Variants in CSMD1 observed in about 807,000 individuals in gnomAD.
The protein encoded by CSMD1 is CUB and Sushi multiple domains 1.
A neutral mutation model predicts 417.5 loss-of-function variants in CSMD1; 213 were observed. The ratio of observed to expected loss-of-function variants is 0.51; its 90% CI spans 0.46 to 0.57. The LOEUF is 0.57. Ranked by LOEUF, CSMD1 falls within the 20% of genes least tolerant of loss-of-function variation. The pLI is 0.00. For synonymous variants in CSMD1, 2,862 were observed against 1,736.8 expected (o/e 1.65, Z -16.11); for missense variants, 6,923 against 4,529.7 (o/e 1.53, Z -15.17).
intron 7 of CSMD1, among the ~76,000 whole-genome samples, chr8:3,646,924 A>C (rs1797604451): frequency 6.6e-6 from 1 of 152,174 alleles, no homozygotes; most frequent in Non-Finnish European, 1.5e-5. Context: ...CAGATACAAA[A>C]AAAATTTAAA....
At chr8:4,814,943 CTGTT>C (rs1799123455) in intron 1 of CSMD1, among the ~76,000 whole-genome samples, 1 of 152,226 alleles carries the variant, frequency 6.6e-6, no homozygotes, top group East Asian at 1.9e-4. Flanking sequence ...TGCATTATGA[CTGTT>C]TATTATAGAG....
At chr8:3,962,829 A>G (rs1260837686) in intron 5 of CSMD1, among the ~76,000 whole-genome samples, 1 of 152,180 alleles carries the variant, frequency 6.6e-6, no homozygotes, top group Non-Finnish European at 1.5e-5. Context: ...TTCACATTTT[A>G]CATGTTGTGA....
At chr8:3,349,253 T>A (rs1808229976) in intron 21 of CSMD1, among the ~76,000 whole-genome samples, 1 of 152,196 alleles carries the variant, frequency 6.6e-6, no homozygotes, top group African/African-American at 2.4e-5. Flanking sequence ...GACTTCTGCA[T>A]GCCCACTGCC....
intron 1 of CSMD1, among the ~76,000 whole-genome samples, chr8:4,793,320 G>A (rs570150313): frequency 2.0e-5 from 3 of 152,238 alleles, no homozygotes; most frequent in Admixed American, 6.5e-5. Context: ...TAACACAGAA[G>A]AGGCATTTTT....
At chr8:3,177,722 C>G (rs1303263416) in intron 37 of CSMD1, among the ~76,000 whole-genome samples, 2 of 152,138 alleles carry the variant, frequency 1.3e-5, no homozygotes, top group Non-Finnish European at 2.9e-5. Flanking sequence ...TGTTGTTCCT[C>G]CCACCAGCTT....
At chr8:4,274,359 T>G (rs1269240538) in intron 3 of CSMD1, among the ~76,000 whole-genome samples, 2 of 152,170 alleles carry the variant, frequency 1.3e-5, no homozygotes, top group Non-Finnish European at 2.9e-5. Context: ...TTCACTTTTC[T>G]AAACTATGAG....
chr8:3,991,178 C>G (rs1368531151), intron 5 of CSMD1, among the ~76,000 whole-genome samples: 1 of 152,170 alleles, frequency 6.6e-6, no homozygotes, highest in Non-Finnish European at 1.5e-5. Context: ...CTAATCCACC[C>G]AGGTGAAAAC....
intron 33 of CSMD1, among the ~76,000 whole-genome samples, chr8:3,190,631 GT>G (rs1372093771): frequency 1.3e-5 from 2 of 152,084 alleles, no homozygotes; most frequent in African/African-American, 4.8e-5. Flanking sequence ...AATCCCACTC[GT>G]GTATACTTAT....
chr8:2,989,457 A>G (rs1030640159), intron 54 of CSMD1, among the ~76,000 whole-genome samples: 5 of 152,234 alleles, frequency 3.3e-5, no homozygotes, highest in Non-Finnish European at 5.9e-5. Flanking sequence ...ATGGTCCATT[A>G]ACCTCCTCCT....
intron 10 of CSMD1, among the ~76,000 whole-genome samples, chr8:3,548,151 T>A (rs897647073): frequency 6.6e-5 from 10 of 152,166 alleles, no homozygotes; most frequent in African/African-American, 2.4e-4. Flanking sequence ...TATCGGTACA[T>A]GTAACAATGT....
intron 5 of CSMD1, among the ~76,000 whole-genome samples, chr8:3,756,308 G>A (rs7822315): frequency 3.3e-5 from 5 of 150,044 alleles, no homozygotes; most frequent in South Asian, 2.1e-4. Flanking sequence ...AGCTGAGATC[G>A]CGCCACTGCA....
chr8:3,861,457 T>C (rs553519152), intron 5 of CSMD1, among the ~76,000 whole-genome samples: 17 of 152,280 alleles, frequency 1.1e-4, no homozygotes, highest in East Asian at 5.8e-4. Flanking sequence ...GAACAACCTA[T>C]AGCATTTGAG....
At chr8:4,167,102 C>G (rs1444418734) in intron 3 of CSMD1, among the ~76,000 whole-genome samples, 1 of 152,150 alleles carries the variant, frequency 6.6e-6, no homozygotes, top group African/African-American at 2.4e-5. Context: ...ATGTAAAACC[C>G]TCAACTTCCC....
intron 32 of CSMD1, among the ~76,000 whole-genome samples, chr8:3,200,174 A>T (rs1276047314): frequency 6.6e-6 from 1 of 152,136 alleles, no homozygotes; most frequent in Non-Finnish European, 1.5e-5. Context: ...TACTTAAAAA[A>T]TTTTTAAAAG....
chr8:4,403,392 A>G (rs991394974), intron 3 of CSMD1, among the ~76,000 whole-genome samples: 3 of 152,066 alleles, frequency 2.0e-5, no homozygotes, highest in Non-Finnish European at 4.4e-5. Context: ...TCTCTCATCT[A>G]ATTCTCTTTT....
chr8:3,123,715 A>C (rs1817337949), intron 41 of CSMD1, among the ~76,000 whole-genome samples: 1 of 152,256 alleles, frequency 6.6e-6, no homozygotes. Context: ...TCCACGAATT[A>C]GCAGTGCCTT....
intron 7 of CSMD1, among the ~76,000 whole-genome samples, chr8:3,637,112 C>G (rs908523217): frequency 6.6e-6 from 1 of 152,166 alleles, no homozygotes; most frequent in Non-Finnish European, 1.5e-5. Flanking sequence ...AAATAAATTT[C>G]CTTCCTTTAT....
chr8:4,582,970 G>T (rs560883885), intron 2 of CSMD1, among the ~76,000 whole-genome samples: 2 of 152,182 alleles, frequency 1.3e-5, no homozygotes, highest in African/African-American at 4.8e-5. Context: ...CATAGCACCC[G>T]GGCCAGTGGC....
At chr8:4,864,096 C>T (rs1261401224) in intron 1 of CSMD1, among the ~76,000 whole-genome samples, 1 of 151,864 alleles carries the variant, frequency 6.6e-6, no homozygotes, top group African/African-American at 2.4e-5. Context: ...ATAACTCAGT[C>T]TATAAAATTA....
Sources: allele counts gnomAD v4.1 joint callset (sites outside exome capture counted in the v4.1 genomes callset), GRCh38; gene constraint gnomAD v4.1.1; transcripts MANE v1.5; gene names NCBI Gene and HGNC (gene_info 2026-07-23, HGNC 2026-07-21).